The following UROC1 variants were observed in gnomAD, a reference collection of about 807,000 sequenced individuals.
UROC1 encodes urocanate hydratase.
UROC1 carries 79 observed loss-of-function variants against 89.5 expected under a neutral mutation model. The ratio of observed to expected loss-of-function variants is 0.88; its 90% CI spans 0.74 to 1.06. The LOEUF (loss-of-function observed/expected upper bound fraction) is 1.06. UROC1 is among the 50% of genes least tolerant of loss of function. The pLI is 0.00. For synonymous variants in UROC1, 361 were observed against 354.8 expected (o/e 1.02, Z -0.20); for missense variants, 885 against 907.8 (o/e 0.97, Z 0.32).
chr3:126,500,089 C>T lies in UROC1; in HGVS notation c.1211G>A (p.Gly404Asp), dbSNP rs1195858314. 1.9e-6 allele frequency: 3 copies of T among 1,613,808 alleles called. No homozygotes were observed. The highest frequency in any genetic ancestry group is 1.3e-5 in the African/African-American group (1 of 75,062). Residue 404 changes from glycine to aspartate, a missense_variant, in exon 12 of 20, where the codon GGC becomes GAC. Transcript: ENST00000290868. ...AEEKFFFWDY[G>D]NAFLLEAQRA... The stretch of plus-strand genomic sequence containing the variant: ...CTGGGCCTCCAAGAGGAAGGCATTG[C>T]CGTAGTCCCAGAAGAAGAACTTCTC...
At chr3:126,491,838 T>C (rs565502330) in intron 16 of UROC1, among the ~76,000 whole-genome samples, 4 of 152,330 alleles carry the variant, frequency 2.6e-5, no homozygotes, top group African/African-American at 9.6e-5. Context: ...TTGTGGAAGC[T>C]GACTCACTCA....
At position 126,500,711 on chromosome 3, in the gene UROC1, C is replaced by G; in HGVS notation, c.1129G>C (p.Asp377His). ...AAGTAGCACCTTTCCTGGACCAGGT[C>G]CTTGAACACAGCAGGGTTGGAGGCC... ...LMASNPAVFK[D>H]LVQESLRRQV... The change falls in exon 11 of 20, where the codon GAC becomes CAC. Residue 377 changes from aspartate to histidine, a missense_variant. Transcript: ENST00000290868. The G allele has an allele frequency of 6.2e-7, 1 of 1,614,136 alleles. No homozygotes were observed. The highest frequency in any genetic ancestry group is 8.5e-7 in the Non-Finnish European group (1 of 1,180,026).
At position 126,499,403 on chromosome 3, in the gene UROC1, T is replaced by C; in HGVS notation, c.1250A>G (p.Asp417Gly). The change falls in exon 13 of 20, where the codon GAT becomes GGT. Residue 417 changes from aspartate to glycine, a missense_variant. Asp to Gly is a moderately conservative substitution (Grantham distance 94). Transcript: ENST00000290868. ...FLLEAQRAGA[D>G]VEKKGAGRTE... ...CCTGCCAGCACCTTTCTTCTCCACA[T>C]CCGCTCCTGTGGGCAGAGCCCGGAC... 2 of 1,612,116 alleles carry C rather than the reference T, an allele frequency of 1.2e-6. No homozygotes were observed. The highest frequency in any genetic ancestry group is 1.7e-6 in the Non-Finnish European group (2 of 1,179,396).
chr3:126,508,460 C>A lies in UROC1; in HGVS notation c.367G>T (p.Val123Leu), dbSNP rs1475065968. The A allele has an allele frequency of 6.2e-7, 1 of 1,613,806 alleles. No homozygotes were observed. The highest frequency in any genetic ancestry group is 1.7e-5 in the Admixed American group (1 of 60,000). ...ACCTGCCCATTTCCTCCATAGGTCA[C>A]CAGCTCCTGGGGAAACTGAGGAAGA... ...PAVAQFPQELVTYGGNGQVFS... is the reference protein window; with the variant it reads ...PAVAQFPQELLTYGGNGQVFS... The change falls in exon 4 of 20, where the codon GTG becomes TTG. Residue 123 changes from valine to leucine, a missense_variant. By Grantham distance (32) the Val-to-Leu change is conservative (BLOSUM62 1). Transcript: ENST00000290868.
rs1449930737 is a variant in UROC1 at position 126,501,278 on chromosome 3, T to A, written c.905A>T (p.Glu302Val). Residue 302 changes from glutamate to valine, a missense_variant and splice_region_variant, in exon 10 of 20, where the codon GAA becomes GTA. By Grantham distance (121) the Glu-to-Val change is moderately radical. Coordinates refer to ENST00000290868, the MANE Select transcript of UROC1 (RefSeq NM_144639.3). ...SLDRCIQRLR[E>V]ARKKKEVLSL... ...GAGCACCTCCTTTTTTTTCCTTGCT[T>A]CCCTGGAAGGACACAAAAGCAGAAC... The A allele has an allele frequency of 1.2e-6, 2 of 1,613,812 alleles. No individual in the cohort carries two copies. The highest frequency in any genetic ancestry group is 1.7e-6 in the Non-Finnish European group (2 of 1,179,948).
rs997952006 is a variant in UROC1, at chr3:126,489,935, C to T, written c.1609-560G>A. On this transcript the variant is annotated intron_variant, in intron 16 of 19. Coordinates refer to ENST00000290868, the MANE Select transcript of UROC1 (RefSeq NM_144639.3). The stretch of plus-strand genomic sequence containing the variant: ...CAGAAAAATTGTTAAGTCCGAGTGT[C>T]CACTTAGTCTGGGCTCAAGCCTCAG... 4.6e-5 allele frequency among the ~76,000 whole-genome samples: 7 copies of T among 152,188 alleles called. No homozygotes were observed. The East Asian group carries it at 1.3e-3, about 29-fold the overall frequency.
chr3:126,482,453 C>T lies in UROC1; in HGVS notation c.1923G>A (p.Lys641=), dbSNP rs768952972. ...TGGTCTGGCAGATGATCTCATAGGC[C>T]TTCTGGTTCCCTGACCAGCAGCGCC... ...VARRCWSGNQ[K]AYEIICQTMQ... Residue 641 remains lysine (K), a synonymous_variant, in exon 20 of 20, where the codon AAG becomes AAA. Transcript: ENST00000290868. 3.7e-6 allele frequency: 6 copies of T among 1,613,910 alleles called. No individual in the cohort carries two copies. Among genetic ancestry groups the T allele is most frequent in the Non-Finnish European group, 1.7e-6 (2 of 1,180,022 alleles).
chr3:126,484,258 T>C (rs771629788), intron 18 of UROC1, among the ~76,000 whole-genome samples: 2 of 152,232 alleles, frequency 1.3e-5, no homozygotes, highest in Non-Finnish European at 2.9e-5. Context: ...GCTGCTTCCA[T>C]GCATGTGCAC....
chr3:126,510,933 C>T, intron 1 of UROC1, 139 bp from the exon 2 acceptor site: 1 of 1,338,906 alleles, frequency 7.5e-7, no homozygotes, highest in Non-Finnish European at 1.0e-6. Flanking sequence ...AGAGACTGTT[C>T]TCACCCCAGG....
At chr3:126,491,082 C>A (rs1290100464) in intron 16 of UROC1, among the ~76,000 whole-genome samples, 1 of 152,218 alleles carries the variant, frequency 6.6e-6, no homozygotes, top group African/African-American at 2.4e-5. Flanking sequence ...CCACCTTCAA[C>A]AGGCCAGGCC....
chr3:126,484,867 G>A (rs1016810488), intron 18 of UROC1, among the ~76,000 whole-genome samples: 2 of 152,216 alleles, frequency 1.3e-5, no homozygotes, highest in Non-Finnish European at 2.9e-5. Context: ...CCATGCCCAG[G>A]CCTGAGCACT....
chr3:126,488,501 G>A (rs1935567549), intron 17 of UROC1, among the ~76,000 whole-genome samples: 1 of 152,260 alleles, frequency 6.6e-6, no homozygotes, highest in South Asian at 2.1e-4. Context: ...CCATGGTGGC[G>A]CTCTCCAGCA....
chr3:126,505,214 T>C (rs949015982), intron 8 of UROC1, among the ~76,000 whole-genome samples: 1 of 152,122 alleles, frequency 6.6e-6, no homozygotes, highest in African/African-American at 2.4e-5. Flanking sequence ...TAAATTAGCC[T>C]CAGGTGTTCC....
At chr3:126,511,784 A>G (rs905229058) in intron 1 of UROC1, among the ~76,000 whole-genome samples, 1 of 152,208 alleles carries the variant, frequency 6.6e-6, no homozygotes, top group African/African-American at 2.4e-5. Flanking sequence ...TCCGAAATAC[A>G]GCCCCAAAGC....
rs749099363 is a variant in UROC1 at position 126,498,078 on chromosome 3, C to T, written c.1411G>A (p.Val471Met). ...CCATCAGCAATGGCTTCCTCCAGCA[C>T]AGATGTGGCCAGTTCGTCTGTGACC... ...LAVTDELATS[V>M]LEEAIADGVK... Residue 471 changes from valine to methionine, a missense_variant, in exon 14 of 20, where the codon GTG becomes ATG. By Grantham distance (21) the Val-to-Met change is conservative. Coordinates refer to ENST00000290868, the MANE Select transcript of UROC1 (RefSeq NM_144639.3). 11 of 1,614,146 alleles carry T rather than the reference C, an allele frequency of 6.8e-6. No homozygotes were observed. Among genetic ancestry groups the T allele is most frequent in the African/African-American group, 1.3e-5 (1 of 75,072 alleles).
chr3:126,510,615 G>A, intron 2 of UROC1, 49 bp downstream of exon 2: 1 of 1,608,048 alleles, frequency 6.2e-7, no homozygotes, highest in Non-Finnish European at 8.5e-7. Context: ...TCCCTTGCGG[G>A]AGCTGCCTGC....
intron 1 of UROC1, among the ~76,000 whole-genome samples, chr3:126,514,608 G>A (rs546031387): frequency 6.6e-6 from 1 of 152,076 alleles, no homozygotes; most frequent in South Asian, 2.1e-4. Context: ...CCCTCTAAAT[G>A]CACCACGAAG....
At chr3:126,500,904 G>GTC (rs765147660) in intron 10 of UROC1, 30 bp from the exon 11 acceptor site, 1 of 1,597,834 alleles carries the variant, frequency 6.3e-7, no homozygotes, top group South Asian at 1.1e-5. Context: ...GTCAGTGCAA[G>GTC]CCACACACAG....
At chr3:126,484,674 A>G (rs552416910) in intron 18 of UROC1, among the ~76,000 whole-genome samples, 15 of 152,292 alleles carry the variant, frequency 9.8e-5, no homozygotes, top group African/African-American at 3.6e-4. Flanking sequence ...TCCTGGTCCC[A>G]GAAGCTGCAC....
Sources: allele counts gnomAD v4.1 joint callset (sites outside exome capture counted in the v4.1 genomes callset), GRCh38; gene constraint gnomAD v4.1.1; transcripts MANE v1.5; gene names NCBI Gene and HGNC (gene_info 2026-07-23, HGNC 2026-07-21).